Variants in DAB1 observed in about 807,000 individuals in gnomAD.
DAB1 encodes the protein DAB adaptor protein 1, also known as disabled homolog 1.
A neutral mutation model predicts 64.6 loss-of-function variants in DAB1; 15 were observed. The observed-to-expected ratio is 0.23, with a 90% CI of 0.16 to 0.36. The LOEUF (loss-of-function observed/expected upper bound fraction) is 0.36. DAB1 is among the 10% of genes least tolerant of loss of function. The probability of loss-of-function intolerance (pLI) is 1.00; values close to 1 mark genes in which losing one functional copy is unlikely to be tolerated. For synonymous variants in DAB1, 235 were observed against 251.9 expected (o/e 0.93, Z 0.64); for missense variants, 596 against 706.7 (o/e 0.84, Z 1.78).
chr1:57,429,494 T>C (rs1685419024), intron 7 of DAB1, among the ~76,000 whole-genome samples: 1 of 152,224 alleles, frequency 6.6e-6, no homozygotes, highest in African/African-American at 2.4e-5. Context: ...TTGAGTTTGA[T>C]GTAGCCCCAC....
intron 3 of DAB1, among the ~76,000 whole-genome samples, chr1:58,354,419 T>C (rs1052838884): frequency 6.6e-6 from 1 of 152,184 alleles, no homozygotes; most frequent in Non-Finnish European, 1.5e-5. Flanking sequence ...TTTAAGGTGT[T>C]ATCTCTATAA....
chr1:57,339,932 A>G (rs1211928030), intron 1 of DAB1, among the ~76,000 whole-genome samples: 5 of 151,772 alleles, frequency 3.3e-5, no homozygotes, highest in Admixed American at 6.6e-5. Flanking sequence ...CCAGGGAGGT[A>G]GAGCTCGGGA....
At chr1:57,146,996 G>A (rs1659204094) in intron 2 of DAB1, among the ~76,000 whole-genome samples, 1 of 151,554 alleles carries the variant, frequency 6.6e-6, no homozygotes, top group Non-Finnish European at 1.5e-5. Flanking sequence ...TATTTACATG[G>A]TAACTTTTCT....
chr1:58,187,064 T>C (rs774502876), intron 4 of DAB1, among the ~76,000 whole-genome samples: 6 of 152,180 alleles, frequency 3.9e-5, no homozygotes, highest in Non-Finnish European at 7.3e-5. Flanking sequence ...ACTGCACATA[T>C]AACCCAACTT....
chr1:58,251,032 T>C (rs1660781608), intron 4 of DAB1, among the ~76,000 whole-genome samples: 2 of 152,248 alleles, frequency 1.3e-5, no homozygotes, highest in African/African-American at 4.8e-5. Flanking sequence ...TGTAGCTGTG[T>C]GGTCTTATCA....
intron 3 of DAB1, among the ~76,000 whole-genome samples, chr1:58,377,317 C>CCGGTT (rs1467280259): frequency 7.1e-6 from 1 of 141,674 alleles, no homozygotes; most frequent in African/African-American, 2.6e-5. Flanking sequence ...GCGGCTGGTA[C>CCGGTT]CGGTTGTTCC....
At chr1:57,064,567 G>C (rs933290489) in intron 8 of DAB1, among the ~76,000 whole-genome samples, 4 of 152,180 alleles carry the variant, frequency 2.6e-5, no homozygotes, top group African/African-American at 9.6e-5. Flanking sequence ...CTGTGACCTT[G>C]AGGCCCTTGG....
At chr1:57,158,854 A>G (rs1044691247) in intron 2 of DAB1, among the ~76,000 whole-genome samples, 1 of 152,222 alleles carries the variant, frequency 6.6e-6, no homozygotes, top group East Asian at 1.9e-4. Context: ...TATTCAACCT[A>G]TGACTCATGC....
At chr1:57,914,202 C>A (rs1256685296) in intron 5 of DAB1, among the ~76,000 whole-genome samples, 2 of 152,088 alleles carry the variant, frequency 1.3e-5, no homozygotes, top group Non-Finnish European at 2.9e-5. Context: ...ACCCAAATGT[C>A]CAACAATGAT....
chr1:58,415,953 A>T (rs1774998), intron 3 of DAB1, among the ~76,000 whole-genome samples: 93,701 of 152,108 alleles, frequency 0.62, 29,975 homozygotes, highest in African/African-American at 0.8. Flanking sequence ...GAGGACTGTC[A>T]GGGTCAACAC....
intron 1 of DAB1, among the ~76,000 whole-genome samples, chr1:58,537,062 T>TTCTCTCTCTCTCTC (rs150887072): frequency 1.4e-5 from 2 of 145,914 alleles, no homozygotes; most frequent in East Asian, 4.0e-4. Flanking sequence ...ACATGCAAAA[T>TTCTCTCTCTCTCTC]TCTCTCTCTC....
At chr1:58,324,106 T>C (rs879156819) in intron 4 of DAB1, among the ~76,000 whole-genome samples, 1 of 152,150 alleles carries the variant, frequency 6.6e-6, no homozygotes, top group Admixed American at 6.5e-5. Flanking sequence ...AGAGGTAATC[T>C]TAATTGTCAA....
chr1:57,969,394 G>A (rs1340036210), intron 5 of DAB1, among the ~76,000 whole-genome samples: 1 of 152,052 alleles, frequency 6.6e-6, no homozygotes, highest in Non-Finnish European at 1.5e-5. Context: ...CCAGGCTGGA[G>A]TGCAGTGGAG....
intron 7 of DAB1, among the ~76,000 whole-genome samples, chr1:57,503,779 G>A (rs182521668): frequency 8.5e-5 from 13 of 152,234 alleles, no homozygotes; most frequent in Admixed American, 1.3e-4. Context: ...CTGGGATTTC[G>A]CTCAGGTGTC....
intron 7 of DAB1, among the ~76,000 whole-genome samples, chr1:57,572,505 T>C (rs901305073): frequency 6.6e-6 from 1 of 152,184 alleles, no homozygotes; most frequent in African/African-American, 2.4e-5. Context: ...AAGTTACAGC[T>C]TCTCTGTGCC....
chr1:57,508,922 A>C (rs570414734), intron 7 of DAB1, among the ~76,000 whole-genome samples: 1 of 151,924 alleles, frequency 6.6e-6, no homozygotes, highest in African/African-American at 2.4e-5. Flanking sequence ...ATATATGCAC[A>C]TACATATATA....
intron 5 of DAB1, among the ~76,000 whole-genome samples, chr1:58,120,928 G>A (rs753541798): frequency 2.0e-5 from 3 of 152,088 alleles, no homozygotes; most frequent in Non-Finnish European, 2.9e-5. Context: ...AATTATGACC[G>A]GATGAAAAGG....
At chr1:58,476,708 A>G (rs1249340676) in intron 3 of DAB1, among the ~76,000 whole-genome samples, 1 of 152,236 alleles carries the variant, frequency 6.6e-6, no homozygotes, top group African/African-American at 2.4e-5. Context: ...ACATGTATAC[A>G]TACGCTTAAA....
intron 7 of DAB1, among the ~76,000 whole-genome samples, chr1:57,644,556 CAT>C (rs146451010): frequency 6.6e-6 from 1 of 151,284 alleles, no homozygotes; most frequent in African/African-American, 2.4e-5. Context: ...TGTGTGTATG[CAT>C]ATATATATAC....
Sources: allele counts gnomAD v4.1 joint callset (sites outside exome capture counted in the v4.1 genomes callset), GRCh38; gene constraint gnomAD v4.1.1; transcripts MANE v1.5; gene names NCBI Gene and HGNC (gene_info 2026-07-23, HGNC 2026-07-21).